NRDC: variants seen among roughly 807,000 people sequenced by gnomAD.
NRDC encodes the protein nardilysin convertase, also known as nardilysin.
A neutral mutation model predicts 147.1 loss-of-function variants in NRDC; 54 were observed. That is an observed-to-expected ratio of 0.37 (90% CI 0.29 to 0.46). NRDC has a LOEUF of 0.46. Ranked by LOEUF, NRDC falls within the 20% of genes least tolerant of loss-of-function variation. The pLI is 1.00. For synonymous variants in NRDC, 440 were observed against 482.1 expected (o/e 0.91, Z 1.14); for missense variants, 1,082 against 1,370.6 (o/e 0.79, Z 3.33).
chr1:51,818,167 G>T (rs1433326334), intron 9 of NRDC, 32 bp from the exon 10 acceptor site: 2 of 1,447,164 alleles, frequency 1.4e-6, no homozygotes, highest in South Asian at 1.2e-5. Flanking sequence ...AAGAACAGAT[G>T]TAAGTGTTTC....
rs768128644 is a variant in NRDC, at chr1:51,789,411, T to G, written c.3281A>C (p.Glu1094Ala). The G allele has an allele frequency of 2.5e-6, 4 of 1,614,068 alleles. No individual in the cohort carries two copies. Among genetic ancestry groups the G allele is most frequent in the Non-Finnish European group, 3.4e-6 (4 of 1,179,958 alleles). Residue 1094 changes from glutamate to alanine, a missense_variant, in exon 31 of 31, where the codon GAA becomes GCA. Physicochemically the swap from Glu to Ala is moderately radical, Grantham distance 107. This residue lies in a region of NRDC where 187 missense variants were observed against 193.6 expected (regional missense o/e 0.97). Transcript: ENST00000352171. Reference protein sequence around the residue: ...SVHVVGYGKYELEEDGTPSSE... With the variant: ...SVHVVGYGKYALEEDGTPSSE... The stretch of plus-strand genomic sequence containing the variant: ...AGAAGGGGTACCATCCTCTTCCAGT[T>G]CATACTTCCCATATCCAACAACCTG...
intron 1 of NRDC, among the ~76,000 whole-genome samples, chr1:51,849,844 A>G (rs1376471420): frequency 6.6e-6 from 1 of 150,984 alleles, no homozygotes; most frequent in Non-Finnish European, 1.5e-5. Flanking sequence ...AGAAAAGGAA[A>G]GGAAGAACAA....
intron 1 of NRDC, among the ~76,000 whole-genome samples, chr1:51,867,301 A>G (rs1682858995): frequency 6.6e-6 from 1 of 152,256 alleles, no homozygotes; most frequent in Non-Finnish European, 1.5e-5. Context: ...CACTGGCGAT[A>G]TAAGCAGTAA....
chr1:51,794,744 A>T, intron 23 of NRDC, 79 bp downstream of exon 23: 2 of 1,588,134 alleles, frequency 1.3e-6, no homozygotes, highest in Non-Finnish European at 1.7e-6. Context: ...GGTGTTTAGT[A>T]ACAATTAACT....
At chr1:51,870,711 A>G (rs1538880) in intron 1 of NRDC, among the ~76,000 whole-genome samples, 1 of 152,116 alleles carries the variant, frequency 6.6e-6, no homozygotes, top group Non-Finnish European at 1.5e-5. Context: ...CTCTCTGGGT[A>G]TGTTCTTAAG....
intron 1 of NRDC, among the ~76,000 whole-genome samples, chr1:51,862,718 C>T (rs1358544565): frequency 1.3e-5 from 2 of 151,008 alleles, no homozygotes; most frequent in Non-Finnish European, 3.0e-5. Flanking sequence ...CTGAGGAGGC[C>T]CTGTCTTAAA....
At chr1:51,813,978 T>G (rs2982846) in intron 14 of NRDC, 57 bp downstream of exon 14, 766,782 of 1,104,328 alleles carry the variant, frequency 0.69, 271,461 homozygotes, top group East Asian at 0.98. Context: ...GAACAATGTC[T>G]ACACCAGCTT....
chr1:51,825,016 T>C (rs932318418), intron 6 of NRDC, among the ~76,000 whole-genome samples: 3 of 152,168 alleles, frequency 2.0e-5, no homozygotes, highest in Non-Finnish European at 2.9e-5. Context: ...GTGATAATGA[T>C]CAAATGAAAT....
chr1:51,796,190 T>C (rs1000702920), intron 22 of NRDC, among the ~76,000 whole-genome samples: 9 of 151,828 alleles, frequency 5.9e-5, no homozygotes, highest in Non-Finnish European at 7.4e-5. Flanking sequence ...CTTAAGCAAT[T>C]ATTTTTCATT....
chr1:51,872,807 A>C (rs1683143303), intron 1 of NRDC, among the ~76,000 whole-genome samples: 1 of 152,256 alleles, frequency 6.6e-6, no homozygotes, highest in South Asian at 2.1e-4. Flanking sequence ...AACATATTTC[A>C]ATCTTAAAAG....
chr1:51,860,690 T>C (rs964126020), intron 1 of NRDC, among the ~76,000 whole-genome samples: 1 of 152,366 alleles, frequency 6.6e-6, no homozygotes, highest in East Asian at 1.9e-4. Flanking sequence ...ACCGAAAATA[T>C]GTTTATTCAC....
intron 15 of NRDC, among the ~76,000 whole-genome samples, chr1:51,811,050 G>C (rs999145154): frequency 3.9e-5 from 6 of 152,068 alleles, no homozygotes; most frequent in South Asian, 2.1e-4. Flanking sequence ...TTGGTTTGGA[G>C]CCCTAACTAC....
chr1:51,843,994 G>T (rs542619013), intron 1 of NRDC, among the ~76,000 whole-genome samples: 1 of 152,098 alleles, frequency 6.6e-6, no homozygotes, highest in South Asian at 2.1e-4. Flanking sequence ...ATAATCCTAT[G>T]CATTCTACTT....
intron 1 of NRDC, among the ~76,000 whole-genome samples, chr1:51,848,137 T>C (rs1256056831): frequency 6.6e-6 from 1 of 152,124 alleles, no homozygotes; most frequent in African/African-American, 2.4e-5. Context: ...AATATTATAT[T>C]GGAGGTCCTA....
At chr1:51,865,812 G>A (rs986123682) in intron 1 of NRDC, among the ~76,000 whole-genome samples, 23 of 152,030 alleles carry the variant, frequency 1.5e-4, no homozygotes, top group African/African-American at 5.5e-4. Context: ...CAGCACTTTG[G>A]GAGGCCAAGA....
intron 1 of NRDC, among the ~76,000 whole-genome samples, chr1:51,874,063 G>A (rs1338484450): frequency 6.7e-6 from 1 of 150,092 alleles, no homozygotes; most frequent in Non-Finnish European, 1.5e-5. Context: ...AGCCGGACAT[G>A]GTGGGGCAGG....
rs1248905388 is a variant in NRDC at position 51,821,503 on chromosome 1, T to C, written c.1212A>G (p.Pro404=). The C allele has an allele frequency of 6.3e-7, 1 of 1,592,794 alleles. No homozygotes were observed. Among genetic ancestry groups the C allele is most frequent in the South Asian group, 1.1e-5 (1 of 90,598 alleles). Residue 404 remains proline (P), a synonymous_variant, in exon 8 of 31, where the codon CCA becomes CCG. Transcript: ENST00000352171. ...KWVTEIFSQI[P]NNGLPRPNFG... ...TATGAAAATAAATATCTTACTTGTTTGGTATCTGAGAGAAGATTTCAGTCA... is the reference window on the plus strand; with the variant it reads ...TATGAAAATAAATATCTTACTTGTTCGGTATCTGAGAGAAGATTTCAGTCA...
chr1:51,790,796 G>A (rs1678593401), intron 28 of NRDC, 104 bp downstream of exon 28: 1 of 999,232 alleles, frequency 1.0e-6, no homozygotes, highest in Non-Finnish European at 1.5e-6. Context: ...GTAAGAGGAA[G>A]GTGGGGCTGC....
rs1014640288 is a variant in NRDC, at chr1:51,827,711, T to A, written c.940+85A>T. 7.0e-6 allele frequency: 7 copies of A among 1,005,328 alleles called. No individual in the cohort carries two copies. The Admixed American group carries it at 1.1e-4, about 16-fold the overall frequency. The allele number at this position is 1,005,328 out of a possible 1,614,324, so 62.3% of individuals were successfully genotyped here. A position where few individuals can be genotyped will look rare whatever the true frequency, so the allele number is the denominator to read the frequency against. On this transcript the variant is annotated intron_variant, in intron 5 of 30. Coordinates refer to ENST00000352171, the MANE Select transcript of NRDC (RefSeq NM_001101662.2). ...CCTTTAAAATATAAAGATAAAATGG[T>A]CTAGAGATAAAGAAGGATAAATGTA...
Sources: allele counts gnomAD v4.1 joint callset (sites outside exome capture counted in the v4.1 genomes callset), GRCh38; gene constraint gnomAD v4.1.1; regional missense constraint gnomAD v4.1.1; transcripts MANE v1.5; gene names NCBI Gene and HGNC (gene_info 2026-07-23, HGNC 2026-07-21).